GPC3: variants seen among roughly 807,000 people sequenced by gnomAD.
The protein encoded by GPC3 is glypican 3.
A neutral mutation model predicts 34.4 loss-of-function variants in GPC3; 3 were observed. The ratio of observed to expected loss-of-function variants is 0.09; its 90% CI spans 0.04 to 0.23. The LOEUF (loss-of-function observed/expected upper bound fraction) is 0.23, where lower values mean the gene tolerates loss of function less well. Among genes scored for constraint, GPC3 ranks in the 10% least tolerant of loss-of-function variants. The probability of loss-of-function intolerance (pLI) is 1.00; values close to 1 mark genes in which losing one functional copy is unlikely to be tolerated. For missense variants in GPC3, 351 were observed against 445.6 expected, an observed-to-expected ratio of 0.79 and a Z score of 1.91; for synonymous variants, 177 against 174.0, an observed-to-expected ratio of 1.02 and a Z score of -0.13.
intron 1 of GPC3, among the ~76,000 whole-genome samples, chrX:133,978,899 C>T (rs2076527166): frequency 8.9e-6 from 1 of 111,814 alleles, no homozygotes; most frequent in African/African-American, 3.2e-5. Context: ...TTCTAATTTT[C>T]CAGTAATAAA....
chrX:133,679,486 T>C (rs1375574890), intron 5 of GPC3, among the ~76,000 whole-genome samples: 2 of 110,954 alleles, frequency 1.8e-5, no homozygotes, highest in Admixed American at 9.6e-5. Flanking sequence ...GGTACAGTGA[T>C]ACCATGGGAA....
intron 3 of GPC3, among the ~76,000 whole-genome samples, chrX:133,702,347 T>C (rs1470676049): frequency 8.9e-6 from 1 of 112,200 alleles, no homozygotes; most frequent in Non-Finnish European, 1.9e-5. Flanking sequence ...TGAATAAACA[T>C]TCATGTGAGA....
chrX:133,938,551 T>C (rs1034094466), intron 2 of GPC3, among the ~76,000 whole-genome samples: 5 of 111,989 alleles, frequency 4.5e-5, no homozygotes, highest in Admixed American at 3.8e-4. Flanking sequence ...TGCAATCTTA[T>C]ATACACTATT....
At chrX:133,569,469 C>T (rs1457604129) in intron 7 of GPC3, among the ~76,000 whole-genome samples, 2 of 111,616 alleles carry the variant, frequency 1.8e-5, no homozygotes, top group African/African-American at 6.5e-5. Context: ...GGGACAAGAG[C>T]TGCTTTTCCT....
chrX:133,699,869 G>A, intron 4 of GPC3, 26 bp downstream of exon 4: 1 of 1,177,536 alleles, frequency 8.5e-7, no homozygotes, highest in Non-Finnish European at 1.1e-6. Context: ...TTGTATTGTG[G>A]AATAAAGAAA....
At chrX:133,914,981 A>ATATATAT (rs1491286825) in intron 2 of GPC3, among the ~76,000 whole-genome samples, 1 of 92,312 alleles carries the variant, frequency 1.1e-5, no homozygotes, top group African/African-American at 4.1e-5. Flanking sequence ...ATATATATAT[A>ATATATAT]AAGTTTTATA....
chrX:133,691,392 G>A (rs1232425631), intron 5 of GPC3, among the ~76,000 whole-genome samples: 1 of 109,482 alleles, frequency 9.1e-6, no homozygotes, highest in East Asian at 2.9e-4. Context: ...ACAGCTACTC[G>A]GGAGGCTGAG....
chrX:133,566,184 T>C (rs182296197), intron 7 of GPC3, among the ~76,000 whole-genome samples: 1 of 112,175 alleles, frequency 8.9e-6, no homozygotes, highest in Non-Finnish European at 1.9e-5. Flanking sequence ...TCCAACATGA[T>C]ATCACCATAA....
intron 6 of GPC3, among the ~76,000 whole-genome samples, chrX:133,618,491 C>T (rs915955306): frequency 9.0e-6 from 1 of 110,794 alleles, no homozygotes; most frequent in Non-Finnish European, 1.9e-5. Context: ...CAAAAGAGTA[C>T]ATTTGGATCC....
chrX:133,559,326 G>A (rs1479638702), intron 7 of GPC3, among the ~76,000 whole-genome samples: 1 of 105,595 alleles, frequency 9.5e-6, no homozygotes, highest in Non-Finnish European at 1.9e-5. Context: ...CATCTAGCAG[G>A]AGATTGACAC....
intron 6 of GPC3, among the ~76,000 whole-genome samples, chrX:133,615,511 A>G (rs952486164): frequency 9.0e-6 from 1 of 110,501 alleles, no homozygotes; most frequent in African/African-American, 3.3e-5. Flanking sequence ...AGGAAAGAAA[A>G]CCAAACACCA....
intron 6 of GPC3, among the ~76,000 whole-genome samples, chrX:133,624,224 C>A (rs2070269285): frequency 8.9e-6 from 1 of 111,883 alleles, no homozygotes; most frequent in East Asian, 2.8e-4. Flanking sequence ...CTAAAATTGA[C>A]ACCCTAACAT....
In GPC3 at chrX:133,692,440, G is replaced by C; in HGVS notation, c.1221C>G (p.Gly407=). ...CCACAGGGCTATGGCTGCAGATGTA[G>C]CCAGGCAAAGCACTATAGAAGCTGA... is the stretch of plus-strand genomic sequence containing the variant. ...SFISFYSALP[G]YICSHSPVAE... Residue 407 remains glycine (G), a synonymous_variant, in exon 5 of 8, where the codon GGC becomes GGG. Coordinates refer to ENST00000370818, the MANE Select transcript of GPC3 (RefSeq NM_004484.4). 1 of 1,204,322 alleles carries C rather than the reference G, an allele frequency of 8.3e-7. No individual in the cohort carries two copies.
chrX:133,734,348 T>A (rs777310620), intron 3 of GPC3, among the ~76,000 whole-genome samples: 38 of 111,510 alleles, frequency 3.4e-4, no homozygotes, highest in South Asian at 7.5e-4. Context: ...GCTTTGATGA[T>A]AATAAAAACA....
rs147263437 is a variant in GPC3 at position 133,648,551 on chromosome X, C to T, written c.1413+13179G>A. Among the ~76,000 whole-genome samples the T allele has an allele frequency of 5.4e-3, 600 of 112,018 alleles. 6 individuals carry two copies. Among genetic ancestry groups the T allele is most frequent in the African/African-American group, 0.018 (560 of 30,884 alleles). On this transcript the variant is annotated intron_variant, in intron 6 of 7. Transcript: ENST00000370818. ...CACGCTGCTGGCAGAGTTAACATTA[C>T]TGATGTTAACTGATCTGACCATGTC...
At chrX:133,618,744 G>C (rs1343218627) in intron 6 of GPC3, among the ~76,000 whole-genome samples, 1 of 106,982 alleles carries the variant, frequency 9.3e-6, no homozygotes, top group Non-Finnish European at 1.9e-5. Flanking sequence ...AAATGTAAGA[G>C]CAAAAATGAC....
At chrX:133,856,095 C>A (rs1258004385) in intron 2 of GPC3, among the ~76,000 whole-genome samples, 1 of 112,300 alleles carries the variant, frequency 8.9e-6, no homozygotes, top group Non-Finnish European at 1.9e-5. Flanking sequence ...GCAGATATCT[C>A]TTCAACCTTC....
chrX:133,676,696 G>A (rs939414393), intron 5 of GPC3, among the ~76,000 whole-genome samples: 1 of 111,695 alleles, frequency 9.0e-6, no homozygotes, highest in Non-Finnish European at 1.9e-5. Context: ...AAAGTAGATG[G>A]GATTCCAGGA....
At chrX:133,637,505 A>C (rs1236885513) in intron 6 of GPC3, among the ~76,000 whole-genome samples, 1 of 111,713 alleles carries the variant, frequency 9.0e-6, no homozygotes, top group African/African-American at 3.2e-5. Flanking sequence ...TAGGAAGTTC[A>C]CTTGTGGGAA....
Sources: allele counts gnomAD v4.1 joint callset (sites outside exome capture counted in the v4.1 genomes callset), GRCh38; gene constraint gnomAD v4.1.1; transcripts MANE v1.5; gene names NCBI Gene and HGNC (gene_info 2026-07-23, HGNC 2026-07-21).